The following APBB2 variants were observed in gnomAD, a reference collection of about 807,000 sequenced individuals.
APBB2 encodes amyloid beta precursor protein binding family B member 2.
A neutral mutation model predicts 82.5 loss-of-function variants in APBB2; 38 were observed. That is an observed-to-expected ratio of 0.46 (90% confidence interval 0.36 to 0.60). The LOEUF (loss-of-function observed/expected upper bound fraction) is 0.60, where lower values mean the gene tolerates loss of function less well. Ranked by LOEUF, APBB2 falls within the 20% of genes least tolerant of loss-of-function variation. APBB2 has a pLI of 0.00. For synonymous variants in APBB2, 341 were observed against 368.2 expected (o/e 0.93, Z 0.85); for missense variants, 772 against 972.3 (o/e 0.79, Z 2.74).
chr4:41,202,732 A>T lies in APBB2; in HGVS notation c.-417+11673T>A, dbSNP rs138801820. Reference sequence around the variant, plus strand: ...TCAAGGTCAATACTAACGTAAAATAAATGTGCTTTAATGAAAATCTGTACC... The same window carrying T: ...TCAAGGTCAATACTAACGTAAAATATATGTGCTTTAATGAAAATCTGTACC... On this transcript the variant is annotated intron_variant, in intron 1 of 17. Coordinates refer to ENST00000508593, the MANE Select transcript of APBB2 (RefSeq NM_004307.2). 5.7e-4 allele frequency among the ~76,000 whole-genome samples: 87 copies of T among 152,338 alleles called. 1 individual carries two copies. In the East Asian group the frequency reaches 0.016, roughly 29 times the overall value.
intron 1 of APBB2, among the ~76,000 whole-genome samples, chr4:41,155,446 T>C (rs1763215258): frequency 6.6e-6 from 1 of 152,324 alleles, no homozygotes; most frequent in Non-Finnish European, 1.5e-5. Flanking sequence ...CAAGCACAAC[T>C]GATTATAATG....
In APBB2 at chr4:40,821,884, T is replaced by C; in HGVS notation, c.2099A>G (p.Gln700Arg). ...PNAGNVSEAVQAACMLRYQKC... is the reference protein window; with the variant it reads ...PNAGNVSEAVRAACMLRYQKC... ...GGGATAACTCACCATGCAGGCGGCC[T>C]GCACCGCCTCAGACACGTTACCAGC... Residue 700 changes from glutamine to arginine, a missense_variant, in exon 17 of 18, where the codon CAG becomes CGG. Gln to Arg is a conservative substitution (Grantham distance 43). Coordinates refer to ENST00000508593, the MANE Select transcript of APBB2 (RefSeq NM_004307.2). 6.2e-7 allele frequency: 1 copy of C among 1,613,210 alleles called. No homozygotes were observed.
intron 10 of APBB2, among the ~76,000 whole-genome samples, chr4:40,902,050 T>C (rs1775450958): frequency 6.6e-6 from 1 of 152,172 alleles, no homozygotes; most frequent in Non-Finnish European, 1.5e-5. Context: ...AAACTGTGAC[T>C]TTAAGCAAAA....
rs149552911 is a variant in APBB2, at chr4:40,965,188, A to C, written c.836-20115T>G. ...AACGTGGCAGCTAGGTAAGGAAATA[A>C]CAGCAAGTAAACAAGTAAGTCCATT... On this transcript the variant is annotated intron_variant, in intron 6 of 17. Transcript: ENST00000508593. Among the ~76,000 whole-genome samples, 1,031 of 143,494 alleles carry C rather than the reference A, an allele frequency of 7.2e-3. 12 individuals are homozygous for C. Among genetic ancestry groups the C allele is most frequent in the African/African-American group, 0.021 (860 of 41,308 alleles). The allele number at this position is 143,494 out of a possible 152,430, so 94.1% of individuals were successfully genotyped here. A position where few individuals can be genotyped will look rare whatever the true frequency, so the allele number is the denominator to read the frequency against.
At chr4:41,187,297 T>C (rs1328067588) in intron 1 of APBB2, among the ~76,000 whole-genome samples, 1 of 152,220 alleles carries the variant, frequency 6.6e-6, no homozygotes, top group African/African-American at 2.4e-5. Flanking sequence ...TATTTACTGC[T>C]GTGTTTCCTA....
intron 3 of APBB2, among the ~76,000 whole-genome samples, chr4:41,066,230 C>T (rs950353418): frequency 1.3e-5 from 2 of 152,010 alleles, no homozygotes; most frequent in African/African-American, 4.8e-5. Flanking sequence ...TGAAAATACA[C>T]CAGATGAAAA....
chr4:41,071,786 T>A (rs957913569), intron 3 of APBB2, among the ~76,000 whole-genome samples: 3 of 152,224 alleles, frequency 2.0e-5, no homozygotes, highest in Non-Finnish European at 4.4e-5. Context: ...AGTATCAAAA[T>A]GGGTTTAATT....
chr4:40,838,244 C>T (rs1205203793), intron 12 of APBB2, among the ~76,000 whole-genome samples: 1 of 150,902 alleles, frequency 6.6e-6, no homozygotes, highest in Non-Finnish European at 1.5e-5. Flanking sequence ...CTCACTGCAA[C>T]CTCCACCTCC....
intron 12 of APBB2, among the ~76,000 whole-genome samples, chr4:40,882,329 G>A (rs986985195): frequency 6.6e-6 from 1 of 152,112 alleles, no homozygotes. Context: ...GCAAAACCTC[G>A]GACTGCAGAG....
chr4:41,044,987 T>C (rs1223590184), intron 4 of APBB2, among the ~76,000 whole-genome samples: 1 of 152,176 alleles, frequency 6.6e-6, no homozygotes, highest in African/African-American at 2.4e-5. Context: ...TCTTCATTAT[T>C]TGTCAACTTT....
At chr4:40,915,718 G>C (rs1443056583) in intron 10 of APBB2, among the ~76,000 whole-genome samples, 16 of 151,770 alleles carry the variant, frequency 1.1e-4, no homozygotes, top group African/African-American at 3.9e-4. Context: ...CCAGAGAGAA[G>C]ATTTATGAAG....
At chr4:40,890,696 T>G (rs561893560) in intron 11 of APBB2, among the ~76,000 whole-genome samples, 7 of 152,198 alleles carry the variant, frequency 4.6e-5, no homozygotes, top group Middle Eastern at 3.4e-3. Context: ...TCTCTCCCTC[T>G]CCGAGTCCTC....
intron 2 of APBB2, among the ~76,000 whole-genome samples, chr4:41,142,203 G>A (rs1193985905): frequency 3.3e-5 from 5 of 152,160 alleles, no homozygotes; most frequent in Non-Finnish European, 5.9e-5. Flanking sequence ...TATGTAGAAA[G>A]CTGACTTACC....
At chr4:40,948,697 T>C (rs1350726115) in intron 6 of APBB2, among the ~76,000 whole-genome samples, 3 of 146,628 alleles carry the variant, frequency 2.0e-5, no homozygotes, top group African/African-American at 5.1e-5. Context: ...GAGGCGGAGG[T>C]TGCAGTGAGC....
At chr4:41,080,846 G>T (rs1737352280) in intron 3 of APBB2, among the ~76,000 whole-genome samples, 1 of 152,014 alleles carries the variant, frequency 6.6e-6, no homozygotes, top group African/African-American at 2.4e-5. Flanking sequence ...GGGACTACAG[G>T]TGCCTGCCAC....
chr4:41,026,189 A>C (rs188592379), intron 5 of APBB2, among the ~76,000 whole-genome samples: 308 of 152,210 alleles, frequency 2.0e-3, no homozygotes, highest in Middle Eastern at 3.4e-3. Context: ...TGGAGTGTGG[A>C]GGATGGGAGG....
At chr4:41,186,013 G>T (rs1772796110) in intron 1 of APBB2, among the ~76,000 whole-genome samples, 1 of 152,148 alleles carries the variant, frequency 6.6e-6, no homozygotes, top group Non-Finnish European at 1.5e-5. Context: ...CACACTCTAA[G>T]GCAAATTGAT....
chr4:41,174,814 TTAACAC>T (rs1324325050), intron 1 of APBB2, among the ~76,000 whole-genome samples: 3 of 152,198 alleles, frequency 2.0e-5, no homozygotes, highest in Non-Finnish European at 4.4e-5. Context: ...AATCCATTTC[TTAACAC>T]TAAAAGTTCA....
At chr4:40,926,508 C>T (rs184963856) in intron 10 of APBB2, among the ~76,000 whole-genome samples, 4 of 151,952 alleles carry the variant, frequency 2.6e-5, no homozygotes, top group South Asian at 2.1e-4. Context: ...TGCGGTGGCG[C>T]GATCTTGGTT....
Sources: gnomAD v4.1 joint callset for allele counts (sites outside exome capture counted in the v4.1 genomes callset) on GRCh38, gnomAD v4.1.1 for gene constraint, MANE v1.5 for transcripts, NCBI Gene and HGNC (gene_info 2026-07-23, HGNC 2026-07-21) for gene names.